The following CDH8 variants were observed in gnomAD, a reference collection of about 807,000 sequenced individuals.
CDH8 encodes cadherin-8.
A neutral mutation model predicts 68.1 loss-of-function variants in CDH8; 17 were observed. The observed-to-expected ratio is 0.25, with a 90% confidence interval of 0.17 to 0.37. CDH8 has a LOEUF of 0.37. Among genes scored for constraint, CDH8 ranks in the 10% least tolerant of loss-of-function variants. The pLI is 1.00. For missense variants in CDH8, 763 were observed against 999.3 expected (o/e 0.76, Z 3.19); for synonymous variants, 372 against 365.1 (o/e 1.02, Z -0.21).
chr16:62,033,456 T>C (rs527399300), intron 1 of CDH8, among the ~76,000 whole-genome samples: 2 of 152,306 alleles, frequency 1.3e-5, no homozygotes, highest in African/African-American at 4.8e-5. Context: ...AAATGCATCC[T>C]ACACACCAGA....
chr16:62,027,682 G>A (rs942610882), intron 1 of CDH8, among the ~76,000 whole-genome samples: 2 of 152,308 alleles, frequency 1.3e-5, no homozygotes, highest in African/African-American at 2.4e-5. Flanking sequence ...AGGGGGTGGC[G>A]ATTCAGTGTG....
At chr16:61,995,586 C>T (rs1221372852) in intron 2 of CDH8, among the ~76,000 whole-genome samples, 1 of 152,124 alleles carries the variant, frequency 6.6e-6, no homozygotes, top group Non-Finnish European at 1.5e-5. Context: ...ACCGTGTTAG[C>T]CAGGATGGTC....
At chr16:61,695,170 C>T (rs1386709253) in intron 10 of CDH8, among the ~76,000 whole-genome samples, 1 of 151,882 alleles carries the variant, frequency 6.6e-6, no homozygotes, top group Admixed American at 6.6e-5. Flanking sequence ...AGAGGGGAAA[C>T]CATTTCTCAA....
At chr16:61,699,907 G>A (rs1354522243) in intron 10 of CDH8, among the ~76,000 whole-genome samples, 1 of 152,046 alleles carries the variant, frequency 6.6e-6, no homozygotes, top group East Asian at 1.9e-4. Context: ...TGAAGTTCTT[G>A]TTCTTGTTCT....
intron 9 of CDH8, among the ~76,000 whole-genome samples, chr16:61,720,454 G>A (rs576148622): frequency 2.0e-5 from 3 of 150,980 alleles, no homozygotes; most frequent in Admixed American, 6.6e-5. Context: ...ATATCAGTCC[G>A]TAATAGCCCA....
chr16:61,699,968 C>T (rs984125202), intron 10 of CDH8, among the ~76,000 whole-genome samples: 8 of 152,154 alleles, frequency 5.3e-5, no homozygotes, highest in Non-Finnish European at 1.0e-4. Flanking sequence ...TATTATATTT[C>T]TTTGACTCTA....
At chr16:61,666,336 A>T (rs1454285679) in intron 10 of CDH8, among the ~76,000 whole-genome samples, 1 of 152,018 alleles carries the variant, frequency 6.6e-6, no homozygotes, top group South Asian at 2.1e-4. Flanking sequence ...ATAAAACAGG[A>T]TTGGCCATTA....
chr16:61,675,790 ATAT>A lies in CDH8; in HGVS notation c.1655-20072_1655-20070del, dbSNP rs954227585. ...GAAAAATTATTACATTGTAAGAAAT[ATAT>A]TATTACATTGCTGTGTGAAGTAGTA... On this transcript the variant is annotated intron_variant, in intron 10 of 11. Transcript: ENST00000577390. 1.3e-3 allele frequency among the ~76,000 whole-genome samples: 198 copies of A among 151,616 alleles called. 2 individuals are homozygous for A. The highest frequency in any genetic ancestry group is 6.8e-3 in the Middle Eastern group (2 of 292).
chr16:61,670,795 A>G (rs376364295), intron 10 of CDH8, among the ~76,000 whole-genome samples: 2 of 151,992 alleles, frequency 1.3e-5, no homozygotes, highest in African/African-American at 4.8e-5. Flanking sequence ...TTACCTACAT[A>G]GGTAGTTGGT....
intron 3 of CDH8, among the ~76,000 whole-genome samples, chr16:61,858,408 GAA>G (rs1385657297): frequency 6.6e-6 from 1 of 152,212 alleles, no homozygotes; most frequent in Non-Finnish European, 1.5e-5. Context: ...GAAAGAAATT[GAA>G]AAAGTCTGGT....
intron 7 of CDH8, among the ~76,000 whole-genome samples, chr16:61,816,840 G>C (rs546139996): frequency 9.2e-5 from 14 of 152,146 alleles, no homozygotes; most frequent in African/African-American, 3.4e-4. Flanking sequence ...TTCGCATCCT[G>C]GGGAAAAATT....
intron 4 of CDH8, among the ~76,000 whole-genome samples, chr16:61,846,490 G>A (rs990927299): frequency 2.6e-5 from 4 of 152,042 alleles, no homozygotes; most frequent in Admixed American, 2.6e-4. Context: ...TAATCTAAAT[G>A]AGAGCATCAA....
intron 2 of CDH8, among the ~76,000 whole-genome samples, chr16:62,006,236 G>A (rs372849293): frequency 6.6e-6 from 1 of 152,182 alleles, no homozygotes; most frequent in African/African-American, 2.4e-5. Context: ...AATCGTGTTC[G>A]ATAAAAGTAA....
At chr16:61,666,178 CTGTGTGTGTG>C (rs370163800) in intron 10 of CDH8, among the ~76,000 whole-genome samples, 1 of 144,098 alleles carries the variant, frequency 6.9e-6, no homozygotes, top group Non-Finnish European at 1.5e-5. Context: ...AGCACATACT[CTGTGTGTGTG>C]TGTGTGTGTG....
chr16:61,928,347 A>C (rs1964487616), intron 2 of CDH8, among the ~76,000 whole-genome samples: 1 of 152,200 alleles, frequency 6.6e-6, no homozygotes, highest in South Asian at 2.1e-4. Context: ...CTATTACATA[A>C]TGTTGCATAT....
chr16:61,989,209 T>C (rs1965675984), intron 2 of CDH8, among the ~76,000 whole-genome samples: 1 of 152,202 alleles, frequency 6.6e-6, no homozygotes, highest in Non-Finnish European at 1.5e-5. Flanking sequence ...ATGCTGAAAT[T>C]TAAATTTCAC....
At chr16:61,920,808 T>C (rs1232180910) in intron 2 of CDH8, among the ~76,000 whole-genome samples, 1 of 76,740 alleles carries the variant, frequency 1.3e-5, no homozygotes, top group Non-Finnish European at 2.4e-5. Flanking sequence ...TGCACACGTA[T>C]GTTTATTGCG....
intron 10 of CDH8, chr16:61,691,753 A>G (rs1964227861): frequency 6.6e-6 from 1 of 152,062 alleles, no homozygotes; most frequent in Non-Finnish European, 1.5e-5. Context: ...TATACAAGGC[A>G]GCTTTTGTAG....
chr16:61,835,049 T>C (rs1041907925), intron 4 of CDH8, among the ~76,000 whole-genome samples: 2 of 151,974 alleles, frequency 1.3e-5, no homozygotes, highest in Admixed American at 1.3e-4. Context: ...GAATGCTTAG[T>C]AAGATATTTG....
Sources: gnomAD v4.1 joint callset for allele counts (sites outside exome capture counted in the v4.1 genomes callset) on GRCh38, gnomAD v4.1.1 for gene constraint, MANE v1.5 for transcripts, NCBI Gene and HGNC (gene_info 2026-07-23, HGNC 2026-07-21) for gene names.